Variants in AAK1 observed in about 807,000 individuals in gnomAD.
AAK1 encodes the protein AP2-associated protein kinase 1.
In AAK1, 37 loss-of-function variants were observed where a neutral mutation model predicts 116.0. The ratio of observed to expected loss-of-function variants is 0.32; its 90% CI spans 0.25 to 0.42. The LOEUF is 0.42. AAK1 is among the 10% of genes least tolerant of loss of function. The pLI, the probability that AAK1 is intolerant of heterozygous loss-of-function variation, is 1.00. For missense variants in AAK1, 919 were observed against 1,170.6 expected (o/e 0.79, Z 3.14); for synonymous variants, 458 against 439.9 (o/e 1.04, Z -0.51).
chr2:69,518,556 C>T (rs919452433), intron 12 of AAK1, among the ~76,000 whole-genome samples: 2 of 151,612 alleles, frequency 1.3e-5, no homozygotes, highest in Non-Finnish European at 2.9e-5. Flanking sequence ...GTAGCTGGGA[C>T]GACAGGCTTG....
chr2:69,507,826 C>G (rs548738782), intron 14 of AAK1, among the ~76,000 whole-genome samples: 32 of 152,138 alleles, frequency 2.1e-4, no homozygotes, highest in African/African-American at 7.5e-4. Flanking sequence ...CCTGCCTCAG[C>G]CTCCCGAGTA....
At chr2:69,490,653 T>C (rs1675484529) in intron 17 of AAK1, among the ~76,000 whole-genome samples, 1 of 148,714 alleles carries the variant, frequency 6.7e-6, no homozygotes, top group Non-Finnish European at 1.5e-5. Flanking sequence ...TGCCAGGGGC[T>C]GGGGGGAGGG....
chr2:69,476,011 G>A lies in AAK1; in HGVS notation c.2792-48C>T, dbSNP rs192408073. On this transcript the variant is annotated intron_variant, in intron 21 of 21. Coordinates refer to ENST00000409085, the MANE Select transcript of AAK1 (RefSeq NM_014911.5). ...TCAGTACAAAACATAGAGGGTTAAG[G>A]TTTAGATGTGCAGAGCAAGCAAAGA... is the stretch of plus-strand genomic sequence containing the variant. 143 of 1,566,796 alleles carry A rather than the reference G, an allele frequency of 9.1e-5. No homozygotes were observed. The East Asian group carries it at 3.2e-3, about 35-fold the overall frequency.
In AAK1 at chr2:69,530,622, T is replaced by C. The variant is rs750675491; in HGVS notation, c.738+3A>G. Reference sequence around the variant, plus strand: ...AGGTATGGATAGGTTACCTGACACCTACCCAAATGTCTGCCTTCGTAGTGA... The same window carrying C: ...AGGTATGGATAGGTTACCTGACACCCACCCAAATGTCTGCCTTCGTAGTGA... On this transcript the variant is annotated splice_donor_region_variant and intron_variant, in intron 7 of 21. Coordinates refer to ENST00000409085, the MANE Select transcript of AAK1 (RefSeq NM_014911.5). 4 of 1,612,522 alleles carry C rather than the reference T, an allele frequency of 2.5e-6. No individual in the cohort carries two copies. Among genetic ancestry groups the C allele is most frequent in the South Asian group, 1.1e-5 (1 of 91,022 alleles).
At position 69,465,924 on chromosome 2, in the gene AAK1, G is replaced by T; in HGVS notation, c.*9945C>A. 3 of 1,290,900 alleles carry T rather than the reference G, an allele frequency of 2.3e-6. No homozygotes were observed. Among genetic ancestry groups the T allele is most frequent in the Non-Finnish European group, 3.0e-6 (3 of 988,878 alleles). 80.0% of individuals were successfully genotyped at this position (1,290,900 alleles called of 1,614,324 possible). On this transcript the variant is annotated 3_prime_UTR_variant, in exon 22 of 22. Coordinates refer to ENST00000409085, the MANE Select transcript of AAK1 (RefSeq NM_014911.5). ...CTGACTGAGGAGACCGGTCTGTGCA[G>T]GCAGCTCCTGGGAGGTGCATTGGAT...
At chr2:69,509,111 T>C (rs1401593757) in intron 14 of AAK1, 120 bp downstream of exon 14, 2 of 781,628 alleles carry the variant, frequency 2.6e-6, no homozygotes, top group African/African-American at 1.7e-5. Context: ...CAAACACAAG[T>C]ACACACCACT....
chr2:69,570,706 T>C (rs1470376820), intron 2 of AAK1, among the ~76,000 whole-genome samples: 2 of 152,226 alleles, frequency 1.3e-5, no homozygotes, highest in Non-Finnish European at 2.9e-5. Flanking sequence ...AGATGATTAA[T>C]AGATGTTTGG....
chr2:69,606,834 A>G (rs536893343), intron 2 of AAK1, among the ~76,000 whole-genome samples: 1 of 152,286 alleles, frequency 6.6e-6, no homozygotes, highest in South Asian at 2.1e-4. Context: ...GGGAGACCTA[A>G]GCGGGAGGAC....
In AAK1 at chr2:69,472,326, A is replaced by G. The variant is rs572780079; in HGVS notation, c.*3543T>C. 106 of 281,690 alleles carry G rather than the reference A, an allele frequency of 3.8e-4. No individual in the cohort carries two copies. Among genetic ancestry groups the G allele is most frequent in the Non-Finnish European group, 5.4e-4 (100 of 186,588 alleles). The allele number at this position is 281,690 out of a possible 1,614,324, so 17.4% of individuals were successfully genotyped here. On this transcript the variant is annotated 3_prime_UTR_variant, in exon 22 of 22. Transcript: ENST00000409085. ...GAAAAAGTAGACAAAGAAAGAATAT[A>G]CTTCCAGGTGCTTTCTCAAAGTGAT...
At chr2:69,476,378 A>G (rs1674857837) in intron 21 of AAK1, among the ~76,000 whole-genome samples, 1 of 152,244 alleles carries the variant, frequency 6.6e-6, no homozygotes, top group African/African-American at 2.4e-5. Context: ...TACTGCAATA[A>G]GAACATGCTT....
At chr2:69,568,245 G>A (rs1671956341) in intron 2 of AAK1, among the ~76,000 whole-genome samples, 1 of 152,040 alleles carries the variant, frequency 6.6e-6, no homozygotes, top group Admixed American at 6.6e-5. Flanking sequence ...ATGTTAATTC[G>A]AGAACATTCC....
chr2:69,547,421 A>C (rs1670974918), intron 3 of AAK1, among the ~76,000 whole-genome samples: 1 of 152,214 alleles, frequency 6.6e-6, no homozygotes, highest in African/African-American at 2.4e-5. Context: ...ACAACAACAA[A>C]AAAGACAACC....
At chr2:69,627,339 G>T (rs1244205223) in intron 2 of AAK1, among the ~76,000 whole-genome samples, 2 of 151,950 alleles carry the variant, frequency 1.3e-5, no homozygotes, top group Non-Finnish European at 2.9e-5. Context: ...AATTCTAGTG[G>T]GGGGAGTGGG....
At chr2:69,629,759 T>C (rs1386932140) in intron 2 of AAK1, among the ~76,000 whole-genome samples, 1 of 152,246 alleles carries the variant, frequency 6.6e-6, no homozygotes, top group Non-Finnish European at 1.5e-5. Context: ...GTTGCCATGT[T>C]CAAATTTACG....
intron 17 of AAK1, among the ~76,000 whole-genome samples, chr2:69,493,783 G>T (rs1403590985): frequency 2.0e-5 from 3 of 152,160 alleles, no homozygotes; most frequent in African/African-American, 7.2e-5. Context: ...CGGCATTTAA[G>T]CTGAGACCCA....
chr2:69,561,695 A>G (rs912182032), intron 2 of AAK1, among the ~76,000 whole-genome samples: 2 of 152,184 alleles, frequency 1.3e-5, no homozygotes, highest in African/African-American at 4.8e-5. Context: ...CTGTGGCGAC[A>G]GCCAATCCAT....
At chr2:69,518,564 T>G (rs1170326602) in intron 12 of AAK1, among the ~76,000 whole-genome samples, 1 of 152,078 alleles carries the variant, frequency 6.6e-6, no homozygotes, top group Non-Finnish European at 1.5e-5. Context: ...GACGACAGGC[T>G]TGCGCCACCA....
chr2:69,482,610 G>C (rs1173647491), intron 18 of AAK1, 101 bp downstream of exon 18: 2 of 923,702 alleles, frequency 2.2e-6, no homozygotes, highest in Non-Finnish European at 3.5e-6. Flanking sequence ...CTTCTGGGGT[G>C]GCAGGGCTAT....
At chr2:69,478,897 T>C in intron 20 of AAK1, 54 bp downstream of exon 20, 22 of 1,414,264 alleles carry the variant, frequency 1.6e-5, no homozygotes, top group Non-Finnish European at 2.2e-5. Context: ...AAAAGTTGTT[T>C]AGTTCTTTCC....
Sources: allele counts gnomAD v4.1 joint callset (sites outside exome capture counted in the v4.1 genomes callset), GRCh38; gene constraint gnomAD v4.1.1; transcripts MANE v1.5; gene names NCBI Gene and HGNC (gene_info 2026-07-23, HGNC 2026-07-21).